Variants in GRK3 observed in about 807,000 individuals in gnomAD.
GRK3 encodes adrenergic, beta, receptor kinase 2.
Under a neutral mutation model 95.7 loss-of-function variants are expected in GRK3, and 54 were observed. The ratio of observed to expected loss-of-function variants is 0.56; its 90% CI spans 0.45 to 0.71. GRK3 has a LOEUF of 0.71. Among genes scored for constraint, GRK3 ranks in the 30% least tolerant of loss-of-function variants. The probability of loss-of-function intolerance (pLI) is 0.00; values close to 1 mark genes in which losing one functional copy is unlikely to be tolerated. For missense variants in GRK3, 649 were observed against 851.2 expected (o/e 0.76, Z 2.96); for synonymous variants, 281 against 290.8 (o/e 0.97, Z 0.34).
intron 15 of GRK3, among the ~76,000 whole-genome samples, chr22:25,708,464 G>A (rs1284730022): frequency 1.3e-5 from 2 of 152,102 alleles, no homozygotes; most frequent in African/African-American, 4.8e-5. Context: ...GGCACAGGTT[G>A]GTGCTTGGGC....
chr22:25,715,993 T>C (rs908419635), intron 18 of GRK3, among the ~76,000 whole-genome samples: 3 of 152,148 alleles, frequency 2.0e-5, no homozygotes, highest in South Asian at 2.1e-4. Context: ...TGTAAGCTCT[T>C]CTTTTTTTTT....
At chr22:25,672,837 G>A (rs189151573) in intron 7 of GRK3, among the ~76,000 whole-genome samples, 408 of 152,016 alleles carry the variant, frequency 2.7e-3, no homozygotes, top group African/African-American at 9.3e-3. Context: ...GTTCTAACAC[G>A]TCATCTCCTT....
At chr22:25,650,248 G>T (rs2084820077) in intron 3 of GRK3, among the ~76,000 whole-genome samples, 1 of 152,040 alleles carries the variant, frequency 6.6e-6, no homozygotes, top group African/African-American at 2.4e-5. Context: ...TCACCATGTT[G>T]TCCAGTCTGG....
chr22:25,626,596 G>T (rs552819063), intron 2 of GRK3, among the ~76,000 whole-genome samples: 2 of 152,318 alleles, frequency 1.3e-5, no homozygotes, highest in East Asian at 3.9e-4. Context: ...AAATACCTCT[G>T]TTATTTAATT....
chr22:25,658,853 TAAAG>T (rs2146398566), intron 3 of GRK3, among the ~76,000 whole-genome samples: 1 of 152,184 alleles, frequency 6.6e-6, no homozygotes, highest in South Asian at 2.1e-4. Flanking sequence ...ATTTTTTTGA[TAAAG>T]AAGACTGGGA....
intron 13 of GRK3, 113 bp downstream of exon 13, chr22:25,695,327 ATC>A: frequency 1.4e-6 from 1 of 719,786 alleles, no homozygotes; most frequent in African/African-American, 1.7e-5. Context: ...TCACACAGTG[ATC>A]TTTAAGCCAT....
rs1050536601 is a variant in GRK3, at chr22:25,643,253, C to T, written c.191-1339C>T. 4.6e-5 allele frequency among the ~76,000 whole-genome samples: 7 copies of T among 152,202 alleles called. No individual in the cohort carries two copies. In the East Asian group the frequency reaches 5.8e-4, roughly 13 times the overall value. On this transcript the variant is annotated intron_variant, in intron 2 of 20. Transcript: ENST00000324198. ...CGTTGCAGTTTCTCCATGGGAGGAG[C>T]GTGGCTGTGCTCCTGCTGCAGGTGT... is the stretch of plus-strand genomic sequence containing the variant.
Position 25,667,770 on chromosome 22 carries a change from G to A in GRK3, c.473G>A (p.Arg158Gln), listed in dbSNP as rs746176727. Residue 158 changes from arginine (R) to glutamine (Q), a missense_variant, in exon 6 of 21, where the codon CGA becomes CAA. Physicochemically the swap from Arg to Gln is conservative, Grantham distance 43 (BLOSUM62 1). Around this residue, in one of 3 missense-constraint regions of GRK3, gnomAD observed 206 missense variants for 231.4 expected, o/e 0.89. Coordinates refer to ENST00000324198, the MANE Select transcript of GRK3 (RefSeq NM_005160.4). ...ATAGAAGAAATTTGTGAAAGCCTTC[G>A]AGGTGACATTTTTCAAAAATTTATG... ...PYIEEICESLRGDIFQKFMES... is the reference protein window; with the variant it reads ...PYIEEICESLQGDIFQKFMES... 3.9e-5 allele frequency: 63 copies of A among 1,611,674 alleles called. No homozygotes were observed. Among genetic ancestry groups the A allele is most frequent in the Non-Finnish European group, 5.0e-5 (59 of 1,178,212 alleles).
At position 25,725,729 on chromosome 22, in the gene GRK3, G is replaced by C. The variant is rs1174875689; in HGVS notation, c.*3279G>C. The C allele has an allele frequency of 7.5e-6, 3 of 397,446 alleles. No individual in the cohort carries two copies. The highest frequency in any genetic ancestry group is 4.4e-5 in the Admixed American group (1 of 22,684). 24.6% of individuals were successfully genotyped at this position (397,446 alleles called of 1,614,324 possible). ...TGGGAGGCCGAGAGGGGCGGTTCAC[G>C]AGGTCAGGAGATTGAGACCATCCTG... On this transcript the variant is annotated 3_prime_UTR_variant, in exon 21 of 21. Coordinates refer to ENST00000324198, the MANE Select transcript of GRK3 (RefSeq NM_005160.4).
rs1459044325 is a variant in GRK3, at chr22:25,723,512, GCACTGGGCTGTACGA to G, written c.*1065_*1079del. ...ATCTGTCATGAATGAATGATACTTT[GCACTGGGCTGTACGA>G]CAGTGAGGACCTTAGGGCATGAAGC... On this transcript the variant is annotated 3_prime_UTR_variant, in exon 21 of 21. Coordinates refer to ENST00000324198, the MANE Select transcript of GRK3 (RefSeq NM_005160.4). 1 of 152,120 alleles carries G rather than the reference GCACTGGGCTGTACGA, an allele frequency of 6.6e-6. No homozygotes were observed. The highest frequency in any genetic ancestry group is 2.4e-5 in the African/African-American group (1 of 41,406). 9.4% of individuals were successfully genotyped at this position (152,120 alleles called of 1,614,324 possible).
chr22:25,611,788 C>G (rs1270862400), intron 2 of GRK3, among the ~76,000 whole-genome samples: 1 of 150,276 alleles, frequency 6.7e-6, no homozygotes, highest in African/African-American at 2.4e-5. Context: ...TTTTTGAAGT[C>G]CAATTTATAC....
At chr22:25,714,027 A>G (rs1313386180) in intron 17 of GRK3, among the ~76,000 whole-genome samples, 1 of 152,160 alleles carries the variant, frequency 6.6e-6, no homozygotes, top group Non-Finnish European at 1.5e-5. Flanking sequence ...CAGTTTTCCT[A>G]CCTATATAAA....
intron 8 of GRK3, among the ~76,000 whole-genome samples, chr22:25,677,377 TAAAAAA>T (rs376997700): frequency 2.3e-5 from 1 of 42,554 alleles, no homozygotes; most frequent in Non-Finnish European, 4.3e-5. Context: ...CCCCATATCT[TAAAAAA>T]AAAAAAAAAA....
chr22:25,647,520 T>C (rs977066408), intron 3 of GRK3: 139 of 1,495,280 alleles, frequency 9.3e-5, no homozygotes, highest in Non-Finnish European at 1.2e-4. Flanking sequence ...GTTCATATCC[T>C]GCTGGCTTAA....
At chr22:25,592,931 T>C (rs1273033297) in intron 1 of GRK3, among the ~76,000 whole-genome samples, 1 of 152,198 alleles carries the variant, frequency 6.6e-6, no homozygotes, top group Non-Finnish European at 1.5e-5. Flanking sequence ...TCTGTTCCTG[T>C]GTTAATTTGC....
At chr22:25,714,669 G>A in intron 18 of GRK3, 99 bp downstream of exon 18, 2 of 1,196,020 alleles carry the variant, frequency 1.7e-6, no homozygotes, top group South Asian at 1.7e-5. Context: ...GTATTTTGCA[G>A]TCGAGAAGAA....
chr22:25,696,663 C>T (rs1302581264), intron 13 of GRK3, among the ~76,000 whole-genome samples: 2 of 152,166 alleles, frequency 1.3e-5, no homozygotes, highest in Non-Finnish European at 2.9e-5. Flanking sequence ...AACTGAGCAC[C>T]ACTGCATCTT....
At chr22:25,674,675 C>A in intron 8 of GRK3, 147 bp downstream of exon 8, 1 of 661,954 alleles carries the variant, frequency 1.5e-6, no homozygotes, top group Non-Finnish European at 2.6e-6. Flanking sequence ...GTAGGCCGGG[C>A]GTGGTGGCTC....
chr22:25,703,080 C>CAACTGCT, intron 13 of GRK3: 1 of 334,930 alleles, frequency 3.0e-6, no homozygotes, highest in Non-Finnish European at 5.9e-6. Flanking sequence ...TGTTTTGGTT[C>CAACTGCT]AACTGCTGTT....
Sources: gnomAD v4.1 joint callset for allele counts (sites outside exome capture counted in the v4.1 genomes callset) on GRCh38, gnomAD v4.1.1 for gene constraint, gnomAD v4.1.1 regional missense constraint, MANE v1.5 for transcripts, NCBI Gene and HGNC (gene_info 2026-07-23, HGNC 2026-07-21) for gene names.